The following KCNQ1OT1 variants were observed in gnomAD, a reference collection of about 807,000 sequenced individuals.
KCNQ1OT1 encodes the protein KCNQ1 antisense RNA 2 (non-protein coding).
At chr11:2,688,322 C>T (rs1407788871) in exon 1 of KCNQ1OT1, 3 of 398,712 alleles carry the variant, frequency 7.5e-6, no homozygotes, top group East Asian at 3.6e-5. Flanking sequence ...GCACGTCACA[C>T]ACACAGCTTC....
exon 1 of KCNQ1OT1, chr11:2,630,744 T>C (rs2133815866): frequency 2.5e-6 from 1 of 398,466 alleles, no homozygotes; most frequent in African/African-American, 2.1e-5. Context: ...TAACTCCCTC[T>C]GGCATATCTT....
In KCNQ1OT1 at chr11:2,658,860, A is replaced by G. The variant is rs1849899271; in HGVS notation, n.41135T>C. On this transcript the variant is annotated non_coding_transcript_exon_variant, in exon 1 of 1. Transcript: ENST00000597346. The surrounding 1 kb of genome is among the most constrained non-coding windows in gnomAD (Gnocchi z 4.9). ...GCTAGAAACCTGGCTCCCATTACCTACAGTTCATTTACTTATTTGTGTAAC... is the reference window on the plus strand; with the variant it reads ...GCTAGAAACCTGGCTCCCATTACCTGCAGTTCATTTACTTATTTGTGTAAC... 4 of 398,328 alleles carry G rather than the reference A, an allele frequency of 1.0e-5. No homozygotes were observed. 24.7% of individuals were successfully genotyped at this position (398,328 alleles called of 1,614,324 possible). A position where few individuals can be genotyped will look rare whatever the true frequency, so the allele number is the denominator to read the frequency against.
chr11:2,619,248 T>C, exon 1 of KCNQ1OT1: 2 of 398,570 alleles, frequency 5.0e-6, no homozygotes, highest in East Asian at 7.1e-5. Flanking sequence ...ATCCTTGCCT[T>C]GTACTGGTTC....
chr11:2,637,365 G>A (rs1328591822), exon 1 of KCNQ1OT1: 1 of 152,186 alleles, frequency 6.6e-6, no homozygotes, highest in Non-Finnish European at 1.5e-5. Context: ...GTGTCCCAGA[G>A]ATTCTGGTAT....
chr11:2,618,512 A>G (rs1180868280), exon 1 of KCNQ1OT1: 3 of 398,432 alleles, frequency 7.5e-6, no homozygotes, highest in Admixed American at 4.4e-5. Context: ...TTGATCATAT[A>G]TCTTTGAATT....
At chr11:2,609,429 C>T (rs137903564) in exon 1 of KCNQ1OT1, 11 of 398,370 alleles carry the variant, frequency 2.8e-5, no homozygotes, top group African/African-American at 1.8e-4. Flanking sequence ...AGGTTTGTTT[C>T]GTGACTTAGC....
chr11:2,650,508 TA>T (rs1169719715), exon 1 of KCNQ1OT1: 2 of 398,554 alleles, frequency 5.0e-6, no homozygotes, highest in African/African-American at 4.1e-5. Flanking sequence ...TACAATTAAT[TA>T]GACTATAATC....
chr11:2,650,473 G>C (rs1048144081), exon 1 of KCNQ1OT1: 2 of 398,518 alleles, frequency 5.0e-6, no homozygotes, highest in Non-Finnish European at 8.8e-6. Flanking sequence ...TTTGGTTCTG[G>C]TTCAGTGCAG....
chr11:2,642,330 CT>C lies in KCNQ1OT1; in HGVS notation n.57664del. The C allele has an allele frequency of 2.5e-6, 1 of 398,208 alleles. No homozygotes were observed. The highest frequency in any genetic ancestry group is 3.6e-5 in the East Asian group (1 of 28,018). The allele number at this position is 398,208 out of a possible 1,614,324, so 24.7% of individuals were successfully genotyped here. On this transcript the variant is annotated non_coding_transcript_exon_variant, in exon 1 of 1. Coordinates refer to ENST00000597346, the Ensembl canonical transcript of KCNQ1OT1. The surrounding 1 kb of genome is among the most constrained non-coding windows in gnomAD (Gnocchi z 4.3). ...TTTCCTTGTTAGAGGTTTCTCACCT[CT>C]TTGGTTAAACTCATTCCTAGATTTT...
At chr11:2,662,069 C>A in exon 1 of KCNQ1OT1, 2 of 1,614,232 alleles carry the variant, frequency 1.2e-6, no homozygotes, top group South Asian at 2.2e-5. Flanking sequence ...ACACCCATCA[C>A]CCACATCTCA....
In KCNQ1OT1 at chr11:2,687,898, G is replaced by A. The variant is rs1442890425; in HGVS notation, n.12097C>T. ...GGGGTGTCCCGCGGAAATCCTGGTGGGATGGAAAATCCCCAGCAGTTGTGA... is the reference window on the plus strand; with the variant it reads ...GGGGTGTCCCGCGGAAATCCTGGTGAGATGGAAAATCCCCAGCAGTTGTGA... On this transcript the variant is annotated non_coding_transcript_exon_variant, in exon 1 of 1. Coordinates refer to ENST00000597346, the Ensembl canonical transcript of KCNQ1OT1. The surrounding 1 kb of genome is among the most constrained non-coding windows in gnomAD (Gnocchi z 5.0). 3 of 398,590 alleles carry A rather than the reference G, an allele frequency of 7.5e-6. No individual in the cohort carries two copies. Among genetic ancestry groups the A allele is most frequent in the South Asian group, 1.3e-4 (1 of 7,864 alleles). 24.7% of individuals were successfully genotyped at this position (398,590 alleles called of 1,614,324 possible). A position where few individuals can be genotyped will look rare whatever the true frequency, so the allele number is the denominator to read the frequency against.
At chr11:2,632,182 CAAAAA>C (rs34998500) in exon 1 of KCNQ1OT1, 282 of 311,172 alleles carry the variant, frequency 9.1e-4, no homozygotes, top group African/African-American at 1.0e-3. Context: ...GACTCTGCCT[CAAAAA>C]AAAAAAAAAA....
Position 2,611,831 on chromosome 11 carries a change from C to A in KCNQ1OT1, n.88164G>T. 5.0e-6 allele frequency: 2 copies of A among 398,330 alleles called. No homozygotes were observed. The highest frequency in any genetic ancestry group is 2.6e-4 in the South Asian group (2 of 7,826). The allele number at this position is 398,330 out of a possible 1,614,324, so 24.7% of individuals were successfully genotyped here. ...CTTCTGCAGGTTGAATAGATATGTT[C>A]TAGAGTACCATTCTAATTCCTTTGT... On this transcript the variant is annotated non_coding_transcript_exon_variant, in exon 1 of 1. Transcript: ENST00000597346. The surrounding 1 kb of genome is among the most constrained non-coding windows in gnomAD (Gnocchi z 5.3).
chr11:2,675,964 G>A (rs1047839967), exon 1 of KCNQ1OT1: 10 of 398,492 alleles, frequency 2.5e-5, no homozygotes, highest in African/African-American at 6.2e-5. Flanking sequence ...AGTACAAAAG[G>A]GGTGAAAAAT....
Position 2,647,964 on chromosome 11 carries a change from A to G in KCNQ1OT1, n.52031T>C, listed in dbSNP as rs1371996906. On this transcript the variant is annotated non_coding_transcript_exon_variant, in exon 1 of 1. Coordinates refer to ENST00000597346, the Ensembl canonical transcript of KCNQ1OT1. This position sits in a 1 kb window ranked among gnomAD's most constrained non-coding sequence, Gnocchi z 4.0. ...TTTGTTGGCTCACACCTGTAAACCC[A>G]GTACTTTGGAAGGCCAAGGCAGGCC... 11 of 397,954 alleles carry G rather than the reference A, an allele frequency of 2.8e-5. No homozygotes were observed. The highest frequency in any genetic ancestry group is 3.5e-5 in the Non-Finnish European group (8 of 226,036). The allele number at this position is 397,954 out of a possible 1,614,324, so 24.7% of individuals were successfully genotyped here. A position where few individuals can be genotyped will look rare whatever the true frequency, so the allele number is the denominator to read the frequency against.
In KCNQ1OT1 at chr11:2,662,477, G is replaced by C. The variant is rs1024471638; in HGVS notation, n.37518C>G. 5 of 467,458 alleles carry C rather than the reference G, an allele frequency of 1.1e-5. No individual in the cohort carries two copies. In the Admixed American group the frequency reaches 1.9e-4, roughly 17 times the overall value. 29.0% of individuals were successfully genotyped at this position (467,458 alleles called of 1,614,324 possible). A position where few individuals can be genotyped will look rare whatever the true frequency, so the allele number is the denominator to read the frequency against. Reference sequence around the variant, plus strand: ...ATGGGGCAGATGCCGGGTGCAGTCTGCCAGTTGCTGCTGCTGTCCTCAGGG... The same window carrying C: ...ATGGGGCAGATGCCGGGTGCAGTCTCCCAGTTGCTGCTGCTGTCCTCAGGG... On this transcript the variant is annotated non_coding_transcript_exon_variant, in exon 1 of 1. Transcript: ENST00000597346.
At chr11:2,643,823 T>C in exon 1 of KCNQ1OT1, 1 of 398,628 alleles carries the variant, frequency 2.5e-6, no homozygotes, top group Non-Finnish European at 4.4e-6. Flanking sequence ...AGGGAAATAC[T>C]TTATTTCTCC....
At chr11:2,644,973 A>T (rs189933282) in exon 1 of KCNQ1OT1, 1 of 398,472 alleles carries the variant, frequency 2.5e-6, no homozygotes, top group Non-Finnish European at 4.4e-6. Flanking sequence ...CTTGGGCCCA[A>T]TGGTAGTGTA....
exon 1 of KCNQ1OT1, chr11:2,644,797 A>C: frequency 2.5e-6 from 1 of 398,558 alleles, no homozygotes; most frequent in Non-Finnish European, 4.4e-6. Context: ...ATCTCCATGG[A>C]ATTTTTTTCA....
Sources: allele counts gnomAD v4.1 joint callset, GRCh38; gene constraint gnomAD v4.1.1; non-coding constraint Gnocchi (gnomAD v3.1); transcripts MANE v1.5; gene names NCBI Gene and HGNC (gene_info 2026-07-23, HGNC 2026-07-21).